SNX29: variants seen among roughly 807,000 people sequenced by gnomAD.
The protein encoded by SNX29 is sorting nexin 29.
A neutral mutation model predicts 102.1 loss-of-function variants in SNX29; 78 were observed. That is an observed-to-expected ratio of 0.76 (90% CI 0.64 to 0.92). The LOEUF (loss-of-function observed/expected upper bound fraction) is 0.92. Among genes scored for constraint, SNX29 ranks in the 40% least tolerant of loss-of-function variants. SNX29 has a pLI of 0.00. For synonymous variants in SNX29, 580 were observed against 414.5 expected (o/e 1.40, Z -4.85); for missense variants, 1,280 against 1,061.7 (o/e 1.21, Z -2.86).
chr16:12,278,484 A>C (rs1410768680), intron 15 of SNX29, among the ~76,000 whole-genome samples: 3 of 152,098 alleles, frequency 2.0e-5, no homozygotes, highest in Admixed American at 6.5e-5. Flanking sequence ...GAAAAAAAAA[A>C]CCAAAACATT....
At chr16:12,235,144 T>C (rs1179445965) in intron 14 of SNX29, among the ~76,000 whole-genome samples, 2 of 152,174 alleles carry the variant, frequency 1.3e-5, no homozygotes, top group African/African-American at 4.8e-5. Flanking sequence ...GTTGACCTTA[T>C]CAGATGAACT....
chr16:12,017,862 C>T, intron 3 of SNX29, among the ~76,000 whole-genome samples: 1 of 152,036 alleles, frequency 6.6e-6, no homozygotes, highest in East Asian at 1.9e-4. Flanking sequence ...AGATAAAATG[C>T]TTCCATATGT....
intron 14 of SNX29, among the ~76,000 whole-genome samples, chr16:12,203,436 G>A (rs1029498838): frequency 1.4e-4 from 21 of 148,906 alleles, no homozygotes; most frequent in South Asian, 2.1e-4. Context: ...TGGAGGTGAC[G>A]TCTCTGAAGT....
At chr16:12,168,523 C>T (rs1704144) in intron 13 of SNX29, among the ~76,000 whole-genome samples, 15,077 of 152,156 alleles carry the variant, frequency 0.099, 2,477 homozygotes, top group African/African-American at 0.35. Flanking sequence ...TTACATACCT[C>T]GCCCCAGCTA....
intron 14 of SNX29, among the ~76,000 whole-genome samples, chr16:12,227,792 C>G (rs772833711): frequency 2.0e-5 from 3 of 148,450 alleles, no homozygotes; most frequent in Admixed American, 6.9e-5. Flanking sequence ...CCCAGCTACT[C>G]GGGAGGCTGA....
At chr16:12,201,668 C>T (rs2076918214) in intron 14 of SNX29, among the ~76,000 whole-genome samples, 1 of 152,176 alleles carries the variant, frequency 6.6e-6, no homozygotes, top group African/African-American at 2.4e-5. Flanking sequence ...CTCCAGTGGA[C>T]TTAGGATGAG....
intron 19 of SNX29, among the ~76,000 whole-genome samples, chr16:12,483,595 G>A (rs943637535): frequency 1.4e-4 from 22 of 152,196 alleles, no homozygotes; most frequent in African/African-American, 4.3e-4. Flanking sequence ...GATTACAGGC[G>A]TGAGCCACCA....
intron 18 of SNX29, among the ~76,000 whole-genome samples, chr16:12,476,413 C>CACATATATAT (rs2087631050): frequency 5.1e-5 from 1 of 19,526 alleles, no homozygotes; most frequent in African/African-American, 1.5e-4. Context: ...TATATATATA[C>CACATATATAT]ATATATATAT....
chr16:12,450,512 C>T (rs77722652), intron 18 of SNX29, among the ~76,000 whole-genome samples: 1 of 152,178 alleles, frequency 6.6e-6, no homozygotes, highest in Non-Finnish European at 1.5e-5. Context: ...ATTCCTGAAC[C>T]GCTTGCTGTG....
intron 20 of SNX29, among the ~76,000 whole-genome samples, chr16:12,529,252 A>C (rs953807572): frequency 6.6e-6 from 1 of 152,168 alleles, no homozygotes; most frequent in Non-Finnish European, 1.5e-5. Flanking sequence ...TCTACTCCCC[A>C]AGACAAGGAA....
At chr16:12,494,512 C>G (rs1391040187) in intron 19 of SNX29, among the ~76,000 whole-genome samples, 1 of 152,094 alleles carries the variant, frequency 6.6e-6, no homozygotes, top group Non-Finnish European at 1.5e-5. Flanking sequence ...CAGAGTAAAC[C>G]CACTCCAAAG....
chr16:12,077,269 A>T (rs1443927209), intron 10 of SNX29, among the ~76,000 whole-genome samples: 1 of 143,746 alleles, frequency 7.0e-6, no homozygotes, highest in Non-Finnish European at 1.5e-5. Flanking sequence ...ACGGAGTGAG[A>T]ACCTGTCTTA....
chr16:12,538,912 T>A (rs1167762365), intron 20 of SNX29, among the ~76,000 whole-genome samples: 1 of 151,724 alleles, frequency 6.6e-6, no homozygotes, highest in Non-Finnish European at 1.5e-5. Flanking sequence ...CTGTTCTAAG[T>A]GGGAGAAAGG....
chr16:12,015,760 C>A (rs2056828215), intron 3 of SNX29, among the ~76,000 whole-genome samples: 2 of 150,910 alleles, frequency 1.3e-5, no homozygotes, highest in Non-Finnish European at 1.5e-5. Context: ...TGGTCTCGAT[C>A]TCCTGACCTC....
chr16:12,464,436 T>G (rs946856918), intron 18 of SNX29, among the ~76,000 whole-genome samples: 3 of 152,134 alleles, frequency 2.0e-5, no homozygotes, highest in African/African-American at 7.2e-5. Flanking sequence ...CTTTTTTATT[T>G]TAAAGTTTCA....
intron 16 of SNX29, among the ~76,000 whole-genome samples, chr16:12,360,000 T>C (rs2082257096): frequency 6.6e-6 from 1 of 152,164 alleles, no homozygotes; most frequent in African/African-American, 2.4e-5. Context: ...ATTTTTGTAT[T>C]TTTAGTAGAG....
intron 11 of SNX29, among the ~76,000 whole-genome samples, chr16:12,103,741 C>G (rs2053115883): frequency 6.6e-6 from 1 of 152,186 alleles, no homozygotes; most frequent in Admixed American, 6.5e-5. Flanking sequence ...AAACTATCAT[C>G]AGAGTGAACA....
chr16:12,043,357 T>C (rs866829868), intron 5 of SNX29, among the ~76,000 whole-genome samples: 10 of 140,476 alleles, frequency 7.1e-5, no homozygotes, highest in Middle Eastern at 3.6e-3. Flanking sequence ...CTTTCTGGAT[T>C]TTTTTTTTTT....
chr16:11,981,588 C>G (rs1268063462), intron 1 of SNX29, among the ~76,000 whole-genome samples: 1 of 152,084 alleles, frequency 6.6e-6, no homozygotes, highest in Non-Finnish European at 1.5e-5. Context: ...GTTTTTCAGT[C>G]TCTTGTATGT....
Sources: gnomAD v4.1 joint callset for allele counts (sites outside exome capture counted in the v4.1 genomes callset) on GRCh38, gnomAD v4.1.1 for gene constraint, MANE v1.5 for transcripts, NCBI Gene and HGNC (gene_info 2026-07-23, HGNC 2026-07-21) for gene names.